The following HSPA4 variants were observed in gnomAD, a reference collection of about 807,000 sequenced individuals.
HSPA4 encodes heat shock 70 kDa protein 4.
Under a neutral mutation model 106.2 loss-of-function variants are expected in HSPA4, and 25 were observed. The ratio of observed to expected loss-of-function variants is 0.24; its 90% CI spans 0.17 to 0.33. The LOEUF is 0.33. Ranked by LOEUF, HSPA4 falls within the 10% of genes least tolerant of loss-of-function variation. HSPA4 has a pLI of 1.00. For missense variants in HSPA4, 841 were observed against 996.0 expected (o/e 0.84, Z 2.10); for synonymous variants, 332 against 333.6 (o/e 1.00, Z 0.05).
At chr5:133,080,204 A>G (rs61260706) in intron 7 of HSPA4, among the ~76,000 whole-genome samples, 3,297 of 151,762 alleles carry the variant, frequency 0.022, 110 homozygotes, top group African/African-American at 0.075. Flanking sequence ...GCTTGAGCTC[A>G]GGAGTTCGAG....
intron 8 of HSPA4, among the ~76,000 whole-genome samples, chr5:133,087,140 G>A (rs1222540735): frequency 1.3e-5 from 2 of 152,068 alleles, no homozygotes; most frequent in African/African-American, 4.8e-5. Flanking sequence ...TGTCTTTTGC[G>A]ATGCTGATAT....
At chr5:133,055,165 T>A (rs777326192) in intron 1 of HSPA4, among the ~76,000 whole-genome samples, 1 of 152,212 alleles carries the variant, frequency 6.6e-6, no homozygotes, top group Non-Finnish European at 1.5e-5. Flanking sequence ...ACATGTTTTC[T>A]TTATATTTTC....
intron 2 of HSPA4, 148 bp downstream of exon 2, chr5:133,065,185 C>T: frequency 1.6e-6 from 1 of 617,552 alleles, no homozygotes; most frequent in East Asian, 2.8e-5. Flanking sequence ...TTCCCATGTA[C>T]AGTCAGCCCT....
chr5:133,086,183 C>T (rs547375836), intron 7 of HSPA4, among the ~76,000 whole-genome samples: 2 of 152,092 alleles, frequency 1.3e-5, no homozygotes, highest in African/African-American at 2.4e-5. Context: ...CCACTGCACT[C>T]CAGTCTGGGC....
chr5:133,098,897 T>G, intron 15 of HSPA4, among the ~76,000 whole-genome samples: 1 of 148,304 alleles, frequency 6.7e-6, no homozygotes. Context: ...AGTCTGTCCT[T>G]ACCTCAGGTG....
At position 133,076,789 on chromosome 5, in the gene HSPA4, T is replaced by A. The variant is rs776343946; in HGVS notation, c.799T>A (p.Ser267Thr). 2 of 1,614,024 alleles carry A rather than the reference T, an allele frequency of 1.2e-6. No homozygotes were observed. The highest frequency in any genetic ancestry group is 2.2e-5 in the East Asian group (1 of 44,846). Residue 267 changes from serine to threonine, a missense_variant, in exon 7 of 19, where the codon TCT becomes ACT. Around this residue, in one of 5 missense-constraint regions of HSPA4, gnomAD observed 347 missense variants for 408.7 expected, o/e 0.85. Coordinates refer to ENST00000304858, the MANE Select transcript of HSPA4 (RefSeq NM_002154.4). ...CAAAATCCGTGCATTATTACGACTCTCTCAGGAGTGTGAGAAACTCAAGAA... is the reference window on the plus strand; with the variant it reads ...CAAAATCCGTGCATTATTACGACTCACTCAGGAGTGTGAGAAACTCAAGAA... ...KSKIRALLRL[S>T]QECEKLKKLM... is the part of the protein sequence containing the mutation.
At chr5:133,087,478 C>T (rs1236334232) in intron 8 of HSPA4, among the ~76,000 whole-genome samples, 2 of 152,122 alleles carry the variant, frequency 1.3e-5, no homozygotes, top group Non-Finnish European at 2.9e-5. Context: ...TTAAATAGCC[C>T]TTCTCAAGAA....
chr5:133,074,725 T>C (rs1207204264), intron 6 of HSPA4, among the ~76,000 whole-genome samples: 1 of 152,170 alleles, frequency 6.6e-6, no homozygotes, highest in African/African-American at 2.4e-5. Flanking sequence ...GGACTAGGAA[T>C]TATAGATTTC....
intron 17 of HSPA4, among the ~76,000 whole-genome samples, chr5:133,103,517 G>A (rs1231107658): frequency 6.6e-6 from 1 of 152,050 alleles, no homozygotes; most frequent in African/African-American, 2.4e-5. Context: ...TTTTGGTTCC[G>A]AACTAGCATG....
At chr5:133,063,488 T>C (rs1399760830) in intron 1 of HSPA4, among the ~76,000 whole-genome samples, 1 of 152,124 alleles carries the variant, frequency 6.6e-6, no homozygotes, top group Non-Finnish European at 1.5e-5. Context: ...TGGAGTGCAG[T>C]GGTGCGATCT....
At chr5:133,090,430 CAAAAAAAAAAAAA>C (rs56263518) in intron 11 of HSPA4, among the ~76,000 whole-genome samples, 2 of 54,892 alleles carry the variant, frequency 3.6e-5, no homozygotes, top group African/African-American at 1.5e-4. Flanking sequence ...GACTCTGTCT[CAAAAAAAAAAAAA>C]AAAAAAAAAA....
Position 133,106,326 on chromosome 5 carries a change from A to T in HSPA4, c.*1890A>T, listed in dbSNP as rs1765863132. On this transcript the variant is annotated 3_prime_UTR_variant, in exon 19 of 19. Transcript: ENST00000304858. ...CTTGTGTACAGACAAGCATTTATCC[A>T]GGTTGCGTTATCCAAACTGATTTGT... The T allele has an allele frequency of 6.6e-6, 1 of 151,638 alleles. No homozygotes were observed. 9.4% of individuals were successfully genotyped at this position (151,638 alleles called of 1,614,324 possible).
chr5:133,072,599 G>T (rs900359729), intron 4 of HSPA4, among the ~76,000 whole-genome samples: 1 of 150,368 alleles, frequency 6.7e-6, no homozygotes, highest in African/African-American at 2.4e-5. Flanking sequence ...TAGAGATGGG[G>T]TTTCACCATG....
intron 16 of HSPA4, chr5:133,101,547 G>A (rs1765784947): frequency 6.9e-6 from 3 of 436,600 alleles, no homozygotes; most frequent in Non-Finnish European, 1.2e-5. Context: ...GGGCTCAGGT[G>A]ACAAATTGAA....
chr5:133,076,644 T>C lies in HSPA4; in HGVS notation c.664-10T>C, dbSNP rs760133966. 6.2e-7 allele frequency: 1 copy of C among 1,606,678 alleles called. No homozygotes were observed. The highest frequency in any genetic ancestry group is 8.5e-7 in the Non-Finnish European group (1 of 1,174,488). On this transcript the variant is annotated splice_polypyrimidine_tract_variant and intron_variant, in intron 6 of 18. Transcript: ENST00000304858. ...TTAATTGTTAGATTAATTCTCATTT[T>C]TTCCTTAAGGTTCTGGCCACTGCAT...
rs372483770 is a variant in HSPA4, at chr5:133,067,320, TATATAA to T, written c.166-95_166-90del. ...GAAACCAAAACCAAGAAGGAGACTC[TATATAA>T]AGTTAAAATGTTGCTAATTTAATCT... On this transcript the variant is annotated intron_variant, in intron 2 of 18. Coordinates refer to ENST00000304858, the MANE Select transcript of HSPA4 (RefSeq NM_002154.4). 9.6e-6 allele frequency: 10 copies of T among 1,040,778 alleles called. No individual in the cohort carries two copies. In the African/African-American group the frequency reaches 1.6e-4, roughly 17 times the overall value. 64.5% of individuals were successfully genotyped at this position (1,040,778 alleles called of 1,614,324 possible). A position where few individuals can be genotyped will look rare whatever the true frequency, so the allele number is the denominator to read the frequency against.
intron 7 of HSPA4, among the ~76,000 whole-genome samples, chr5:133,083,556 A>T (rs1439750060): frequency 2.0e-5 from 3 of 151,784 alleles, no homozygotes; most frequent in African/African-American, 7.3e-5. Context: ...TTATTTTTTG[A>T]GATGGAGTTT....
chr5:133,065,618 C>T (rs1400822437), intron 2 of HSPA4, among the ~76,000 whole-genome samples: 2 of 152,170 alleles, frequency 1.3e-5, no homozygotes, highest in Non-Finnish European at 2.9e-5. Context: ...CTTGCTTGTT[C>T]CTTGATATTT....
At chr5:133,062,220 A>G in intron 1 of HSPA4, among the ~76,000 whole-genome samples, 1 of 152,190 alleles carries the variant, frequency 6.6e-6, no homozygotes, top group East Asian at 1.9e-4. Flanking sequence ...GAAGCAAGAC[A>G]GTTTCAGAGT....
Sources: gnomAD v4.1 joint callset for allele counts (sites outside exome capture counted in the v4.1 genomes callset) on GRCh38, gnomAD v4.1.1 for gene constraint, gnomAD v4.1.1 regional missense constraint, MANE v1.5 for transcripts, NCBI Gene and HGNC (gene_info 2026-07-23, HGNC 2026-07-21) for gene names.